Variants in CR1 observed in about 807,000 individuals in gnomAD.
CR1 encodes complement C3b/C4b receptor 1 (Knops blood group), also known as complement receptor type 1.
In CR1, 116 loss-of-function variants were observed where a neutral mutation model predicts 187.3. The observed-to-expected ratio is 0.62, with a 90% CI of 0.53 to 0.72. The LOEUF (loss-of-function observed/expected upper bound fraction) is 0.72, where lower values mean the gene tolerates loss of function less well. Among genes scored for constraint, CR1 ranks in the 30% least tolerant of loss-of-function variants. The pLI is 0.00. For synonymous variants in CR1, 576 were observed against 747.1 expected, an observed-to-expected ratio of 0.77 and a Z score of 3.73; for missense variants, 1,731 against 2,110.7, an observed-to-expected ratio of 0.82 and a Z score of 3.52.
intron 1 of CR1, among the ~76,000 whole-genome samples, chr1:207,504,947 T>C (rs529371313): frequency 1.2e-4 from 19 of 152,258 alleles, no homozygotes; most frequent in African/African-American, 3.9e-4. Flanking sequence ...TAGATTCTCA[T>C]AGGAGCAGAA....
intron 4 of CR1, among the ~76,000 whole-genome samples, chr1:207,513,784 T>TTCCTTCCTTCCTTCCTTCCTTCC (rs765815511): frequency 3.1e-5 from 3 of 95,336 alleles, no homozygotes; most frequent in South Asian, 4.0e-4. Flanking sequence ...TCCTTCCTTC[T>TTCCTTCCTTCCTTCCTTCCTTCC]TTCCTTCCTT....
chr1:207,524,576 TAG>T (rs1660108740), intron 5 of CR1, among the ~76,000 whole-genome samples: 1 of 151,934 alleles, frequency 6.6e-6, no homozygotes, highest in African/African-American at 2.4e-5. Context: ...TTTGTAGGGA[TAG>T]AGTCTCACCA....
Position 207,612,019 on chromosome 1 carries a change from G to T in CR1, c.6553G>T (p.Val2185Leu), listed in dbSNP as rs200258218. Residue 2185 changes from valine to leucine, a missense_variant, in exon 39 of 47, where the codon GTG (valine) becomes TTG (leucine). Transcript: ENST00000367049. ...ACTTAATCTCCAGCTTGGGGCAAAG[G>T]TGTCCTTTGTTTGCGATGAAGGGTG... The part of the protein sequence containing the change: ...LPLNLQLGAK[V>L]SFVCDEGFRL... 1.2e-6 allele frequency: 2 copies of T among 1,614,050 alleles called. No homozygotes were observed. Among genetic ancestry groups the T allele is most frequent in the East Asian group, 2.2e-5 (1 of 44,884 alleles).
chr1:207,525,563 G>C (rs1324471306), intron 5 of CR1, among the ~76,000 whole-genome samples: 1 of 151,860 alleles, frequency 6.6e-6, no homozygotes, highest in Non-Finnish European at 1.5e-5. Context: ...CACTGCCTGA[G>C]CCACTTCTAG....
chr1:207,613,208 T>A (rs1661990039), intron 39 of CR1, among the ~76,000 whole-genome samples: 1 of 152,168 alleles, frequency 6.6e-6, no homozygotes, highest in Non-Finnish European at 1.5e-5. Flanking sequence ...AAACAGCTTC[T>A]CAGCGGAGAC....
intron 28 of CR1, among the ~76,000 whole-genome samples, chr1:207,577,195 G>A (rs1459360926): frequency 6.6e-6 from 1 of 151,774 alleles, no homozygotes; most frequent in African/African-American, 2.4e-5. Flanking sequence ...GGGTTGCAGT[G>A]AGCTGAGATC....
chr1:207,588,628 G>T (rs757935620), intron 34 of CR1, 47 bp from the exon 35 acceptor site: 1 of 1,290,070 alleles, frequency 7.8e-7, no homozygotes, highest in Admixed American at 1.8e-5. Flanking sequence ...CCTTACAAAG[G>T]TAAGTTGAAC....
intron 31 of CR1, among the ~76,000 whole-genome samples, chr1:207,581,236 G>GTATACATATGGACACGTATATGTAGACA: frequency 1.3e-5 from 2 of 149,598 alleles, no homozygotes; most frequent in African/African-American, 5.0e-5. Context: ...ATATGTAGAC[G>GTATACATATGGACACGTATATGTAGACA]TATACATATG....
At chr1:207,637,583 AC>A (rs1355168591) in intron 46 of CR1, among the ~76,000 whole-genome samples, 1 of 152,234 alleles carries the variant, frequency 6.6e-6, no homozygotes, top group African/African-American at 2.4e-5. Context: ...ACTTCTACCA[AC>A]CAATTTTGGA....
rs932777803 is a variant in CR1, at chr1:207,596,041, ATATATCTATATCTATATATATC to A, written c.5810+7289_5810+7310del. The stretch of plus-strand genomic sequence containing the variant: ...GGTACTTCACACCAGTATAAAATCT[ATATATCTATATCTATATATATC>A]TATATCTATATCTATATATATATAT... On this transcript the variant is annotated intron_variant, in intron 35 of 46. Transcript: ENST00000367049. Among the ~76,000 whole-genome samples the A allele has an allele frequency of 3.5e-5, 5 of 142,016 alleles. No individual in the cohort carries two copies. The South Asian group carries it at 9.6e-4, about 27-fold the overall frequency. The allele number at this position is 142,016 out of a possible 152,430, so 93.2% of individuals were successfully genotyped here.
At chr1:207,498,914 A>G (rs1364170208) in intron 1 of CR1, among the ~76,000 whole-genome samples, 3 of 150,940 alleles carry the variant, frequency 2.0e-5, no homozygotes, top group Non-Finnish European at 4.4e-5. Flanking sequence ...AACAAAACAA[A>G]AAACAATAAA....
intron 34 of CR1, among the ~76,000 whole-genome samples, chr1:207,588,461 A>C (rs1227749417): frequency 6.6e-6 from 1 of 152,188 alleles, no homozygotes; most frequent in Admixed American, 6.5e-5. Flanking sequence ...GAGAGCCCAT[A>C]CATAACCTTT....
intron 25 of CR1, 28 bp downstream of exon 25, chr1:207,568,070 A>T (rs778440422): frequency 1.2e-6 from 2 of 1,610,812 alleles, no homozygotes; most frequent in Non-Finnish European, 1.7e-6. Flanking sequence ...CACATCCCTA[A>T]TGGGTTCAGA....
chr1:207,639,669 T>C lies in CR1; in HGVS notation c.*260T>C. ...TATCTAGTCAGGGGAAAAGACTGCATTTAGGAGATAGAAAATAGTTTGGAT... is the reference window on the plus strand; with the variant it reads ...TATCTAGTCAGGGGAAAAGACTGCACTTAGGAGATAGAAAATAGTTTGGAT... On this transcript the variant is annotated 3_prime_UTR_variant, in exon 47 of 47. Coordinates refer to ENST00000367049, the MANE Select transcript of CR1 (RefSeq NM_000651.6). 2.7e-6 allele frequency: 1 copy of C among 375,280 alleles called. No individual in the cohort carries two copies. Among genetic ancestry groups the C allele is most frequent in the South Asian group, 8.2e-5 (1 of 12,266 alleles). 23.2% of individuals were successfully genotyped at this position (375,280 alleles called of 1,614,324 possible).
intron 5 of CR1, among the ~76,000 whole-genome samples, chr1:207,526,222 T>C (rs1448203698): frequency 2.2e-4 from 33 of 152,024 alleles, no homozygotes; most frequent in South Asian, 6.2e-4. Context: ...TTCTTTACCA[T>C]CCTATGTCAG....
At chr1:207,583,255 A>T (rs1661015597) in intron 32 of CR1, among the ~76,000 whole-genome samples, 1 of 152,208 alleles carries the variant, frequency 6.6e-6, no homozygotes, top group Non-Finnish European at 1.5e-5. Context: ...ACTGTGTCAA[A>T]TTCTATAGAG....
At chr1:207,617,352 A>C (rs1011982760) in intron 41 of CR1, among the ~76,000 whole-genome samples, 5 of 150,820 alleles carry the variant, frequency 3.3e-5, no homozygotes, top group African/African-American at 1.2e-4. Flanking sequence ...TAACAAAGGG[A>C]ACTCAGGAGG....
chr1:207,498,877 C>CAAAAGAAAAAAAAA (rs1659173101), intron 1 of CR1, among the ~76,000 whole-genome samples: 1 of 50,104 alleles, frequency 2.0e-5, no homozygotes, highest in Non-Finnish European at 3.6e-5. Flanking sequence ...AACTCCAAAT[C>CAAAAGAAAAAAAAA]AAAAAAAAAA....
chr1:207,634,811 G>A (rs1217928575), intron 46 of CR1, among the ~76,000 whole-genome samples: 1 of 152,164 alleles, frequency 6.6e-6, no homozygotes, highest in East Asian at 1.9e-4. Flanking sequence ...CCTCCAAGAT[G>A]ACCAGTTCCT....
Sources: gnomAD v4.1 joint callset for allele counts (sites outside exome capture counted in the v4.1 genomes callset) on GRCh38, gnomAD v4.1.1 for gene constraint, MANE v1.5 for transcripts, NCBI Gene and HGNC (gene_info 2026-07-23, HGNC 2026-07-21) for gene names.